Variants in CAPZB observed in about 807,000 individuals in gnomAD.
CAPZB encodes the protein F-actin-capping protein subunit beta.
CAPZB carries 2 observed loss-of-function variants against 38.1 expected under a neutral mutation model. The observed-to-expected ratio is 0.05, with a 90% CI of 0.02 to 0.17. The LOEUF is 0.17. Among genes scored for constraint, CAPZB ranks in the 10% least tolerant of loss-of-function variants. The pLI is 1.00. For synonymous variants in CAPZB, 107 were observed against 127.4 expected (o/e 0.84, Z 1.08); for missense variants, 161 against 334.2 (o/e 0.48, Z 4.04).
rs72965263 is a variant in CAPZB, at chr1:19,418,284, C to T, written c.93+1377G>A. Among the ~76,000 whole-genome samples, 439 of 151,740 alleles carry T rather than the reference C, an allele frequency of 2.9e-3. 1 individual carries two copies. Among genetic ancestry groups the T allele is most frequent in the African/African-American group, 0.01 (420 of 41,310 alleles). On this transcript the variant is annotated intron_variant, in intron 2 of 8. Transcript: ENST00000264202. The stretch of plus-strand genomic sequence containing the variant: ...ACAGGGCAACAAGCACCAGGAGTAA[C>T]GAGGGCAGCTGCTCTTCCCACAGGG...
chr1:19,470,650 C>T (rs940166880), intron 1 of CAPZB, among the ~76,000 whole-genome samples: 61 of 152,208 alleles, frequency 4.0e-4, no homozygotes, highest in African/African-American at 1.4e-3. Context: ...CTTGGTCAAG[C>T]CCCAAACCCC....
chr1:19,345,440 A>T (rs1403379377), intron 6 of CAPZB, among the ~76,000 whole-genome samples, 188 bp from the exon 7 acceptor site: 1 of 152,248 alleles, frequency 6.6e-6, no homozygotes, highest in Non-Finnish European at 1.5e-5. Context: ...TCAGACCATA[A>T]AGAGCCCAGA....
chr1:19,415,236 C>A (rs551927389), intron 2 of CAPZB, among the ~76,000 whole-genome samples: 20 of 152,244 alleles, frequency 1.3e-4, no homozygotes, highest in East Asian at 3.8e-4. Context: ...AATCTCCCCC[C>A]CTTCATTATC....
intron 2 of CAPZB, among the ~76,000 whole-genome samples, chr1:19,390,728 A>T (rs532775408): frequency 2.0e-5 from 3 of 152,236 alleles, no homozygotes; most frequent in African/African-American, 7.2e-5. Context: ...GGAAAAGAAA[A>T]AACCCCAGAA....
chr1:19,351,182 C>T (rs1208812660), intron 6 of CAPZB, among the ~76,000 whole-genome samples: 7 of 150,486 alleles, frequency 4.7e-5, no homozygotes, highest in Admixed American at 6.6e-5. Context: ...GGGGTTTCAC[C>T]GTGTTGGTCA....
At chr1:19,484,034 C>G (rs2094640701) in intron 1 of CAPZB, among the ~76,000 whole-genome samples, 1 of 152,208 alleles carries the variant, frequency 6.6e-6, no homozygotes, top group Non-Finnish European at 1.5e-5. Context: ...AGTGCTGGGC[C>G]TGTCCTGCAG....
At chr1:19,408,445 C>T (rs866777735) in intron 2 of CAPZB, among the ~76,000 whole-genome samples, 1 of 152,230 alleles carries the variant, frequency 6.6e-6, no homozygotes, top group African/African-American at 2.4e-5. Context: ...GGATTCAAGT[C>T]CTAGTGAGCC....
chr1:19,385,312 G>A (rs755304076), intron 3 of CAPZB, among the ~76,000 whole-genome samples, 193 bp downstream of exon 3: 33 of 152,172 alleles, frequency 2.2e-4, no homozygotes, highest in Admixed American at 7.2e-4. Context: ...TGCATGATTG[G>A]AATAACAGAT....
Position 19,356,731 on chromosome 1 carries a change from G to A in CAPZB, c.492C>T (p.Thr164=), listed in dbSNP as rs373170769. The A allele has an allele frequency of 6.4e-4, 1,031 of 1,613,552 alleles. 9 individuals carry two copies. Among genetic ancestry groups the A allele is most frequent in the South Asian group, 4.9e-3 (442 of 91,074 alleles). The change falls in exon 6 of 9, where the codon ACC becomes ACT. Residue 164 remains threonine (T), a synonymous_variant. Transcript: ENST00000264202. The surrounding 1 kb of genome is among the most constrained non-coding windows in gnomAD (Gnocchi z 4.3). ...VEVQEKSSGR[T]AHYKLTSTVM... ...CCGTGGAGGTCAACTTGTAATGGGC[G>A]GTGCGACCGCTGGATTTCTCCTGGA...
chr1:19,404,424 G>C (rs930911802), intron 2 of CAPZB, among the ~76,000 whole-genome samples: 2 of 151,416 alleles, frequency 1.3e-5, no homozygotes, highest in Non-Finnish European at 2.9e-5. Flanking sequence ...CAGGCCAGTA[G>C]TTCCAGCTAT....
intron 6 of CAPZB, among the ~76,000 whole-genome samples, chr1:19,355,356 G>A (rs1373180457): frequency 8.5e-5 from 13 of 152,154 alleles, no homozygotes; most frequent in Admixed American, 8.5e-4. Context: ...TGAGCTGGGC[G>A]TGGTGGTGCA....
intron 8 of CAPZB, chr1:19,342,837 T>C (rs776500276): frequency 3.1e-6 from 5 of 1,611,048 alleles, no homozygotes; most frequent in Non-Finnish European, 4.2e-6. Flanking sequence ...GCTTAAACTT[T>C]TGGTTGTCAG....
chr1:19,448,342 C>T (rs532658439), intron 1 of CAPZB, among the ~76,000 whole-genome samples: 153 of 152,284 alleles, frequency 1.0e-3, no homozygotes, highest in African/African-American at 3.4e-3. Flanking sequence ...TCCACCCTTT[C>T]GGGAGAGCAT....
At chr1:19,350,845 C>T (rs560173182) in intron 6 of CAPZB, among the ~76,000 whole-genome samples, 18 of 152,132 alleles carry the variant, frequency 1.2e-4, no homozygotes, top group Admixed American at 8.5e-4. Flanking sequence ...CTCAAACTCT[C>T]GAGCTCAAGT....
intron 4 of CAPZB, among the ~76,000 whole-genome samples, chr1:19,361,844 T>G (rs1229823866): frequency 6.6e-6 from 1 of 152,214 alleles, no homozygotes; most frequent in Non-Finnish European, 1.5e-5. Flanking sequence ...TAACTGGTCT[T>G]TGTATATTTA....
chr1:19,469,304 T>G (rs956143209), intron 1 of CAPZB, among the ~76,000 whole-genome samples: 1 of 152,202 alleles, frequency 6.6e-6, no homozygotes, highest in African/African-American at 2.4e-5. Flanking sequence ...TGACTATATG[T>G]TTATTTCAGT....
At chr1:19,474,397 T>C (rs1235345270) in intron 1 of CAPZB, among the ~76,000 whole-genome samples, 1 of 152,146 alleles carries the variant, frequency 6.6e-6, no homozygotes, top group Non-Finnish European at 1.5e-5. Flanking sequence ...ATGAAGTGAC[T>C]AGGTTCAAGC....
chr1:19,390,704 G>C (rs1331237247), intron 2 of CAPZB, among the ~76,000 whole-genome samples: 3 of 152,196 alleles, frequency 2.0e-5, no homozygotes, highest in East Asian at 3.8e-4. Flanking sequence ...AGTGGGTAAA[G>C]TGAACTAGGG....
At chr1:19,435,827 T>C (rs4912093) in intron 1 of CAPZB, among the ~76,000 whole-genome samples, 31,849 of 152,126 alleles carry the variant, frequency 0.21, 4,137 homozygotes, top group Non-Finnish European at 0.28. Context: ...CCACCTGTGC[T>C]AAGAACCACT....
Sources: gnomAD v4.1 joint callset for allele counts (sites outside exome capture counted in the v4.1 genomes callset) on GRCh38, gnomAD v4.1.1 for gene constraint, Gnocchi (gnomAD v3.1) non-coding constraint, MANE v1.5 for transcripts, NCBI Gene and HGNC (gene_info 2026-07-23, HGNC 2026-07-21) for gene names.